Variants in CTBP2 observed in about 807,000 individuals in gnomAD.
CTBP2 encodes C-terminal-binding protein 2.
Under a neutral mutation model 80.3 loss-of-function variants are expected in CTBP2, and 30 were observed. The ratio of observed to expected loss-of-function variants is 0.37; its 90% confidence interval spans 0.28 to 0.51. The LOEUF is 0.51. Ranked by LOEUF, CTBP2 falls within the 20% of genes least tolerant of loss-of-function variation. The pLI is 0.93. For missense variants in CTBP2, 1,212 were observed against 1,375.3 expected (o/e 0.88, Z 1.88); for synonymous variants, 594 against 587.4 (o/e 1.01, Z -0.16).
At chr10:125,094,743 C>T (rs962171871) in intron 2 of CTBP2, among the ~76,000 whole-genome samples, 2 of 152,190 alleles carry the variant, frequency 1.3e-5, no homozygotes, top group Non-Finnish European at 2.9e-5. Context: ...GAAGAACCAC[C>T]AGACCCAAAA....
intron 2 of CTBP2, among the ~76,000 whole-genome samples, chr10:125,084,868 C>T (rs546657497): frequency 2.8e-4 from 43 of 152,304 alleles, no homozygotes; most frequent in Admixed American, 4.6e-4. Context: ...GTTTGGCCTT[C>T]GCCACCTGTT....
chr10:124,990,041 A>AG (rs1192724981), intron 8 of CTBP2, among the ~76,000 whole-genome samples: 2 of 145,532 alleles, frequency 1.4e-5, no homozygotes, highest in Non-Finnish European at 3.0e-5. Flanking sequence ...CCTGGCTAAT[A>AG]GTTTTTTTTT....
intron 1 of CTBP2, among the ~76,000 whole-genome samples, chr10:125,004,572 G>C (rs1954979194): frequency 6.6e-6 from 1 of 152,220 alleles, no homozygotes; most frequent in Non-Finnish European, 1.5e-5. Flanking sequence ...CTGAGTTCCA[G>C]AGGTGCAATC....
intron 1 of CTBP2, among the ~76,000 whole-genome samples, chr10:125,144,568 A>C (rs1858411154): frequency 6.6e-6 from 1 of 152,250 alleles, no homozygotes; most frequent in African/African-American, 2.4e-5. Context: ...GTTCACTCTC[A>C]GTTCTAAAAC....
In CTBP2 at chr10:125,026,590, A is replaced by AGCTGCAGGCTGGGGCTGCAGG. The variant is rs1564739713; in HGVS notation, c.1169_1170insCCTGCAGCCCCAGCCTGCAGC (p.Ala390_Pro391insLeuGlnProGlnProAlaAla). ...CTCGGGGGGATGCTGTCTGCAGAGG[A>AGCTGCAGGCTGGGGCTGCAGG]GCCGCAGCGCCCAGAGAAGCCAAGT... is the stretch of plus-strand genomic sequence containing the variant. On this transcript the variant is annotated inframe_insertion, in exon 1 of 9. Transcript: ENST00000309035. 4 of 1,561,450 alleles carry AGCTGCAGGCTGGGGCTGCAGG rather than the reference A, an allele frequency of 2.6e-6. No individual in the cohort carries two copies. Among genetic ancestry groups the AGCTGCAGGCTGGGGCTGCAGG allele is most frequent in the Non-Finnish European group, 3.5e-6 (4 of 1,153,448 alleles).
rs1403066329 is a variant in CTBP2, at chr10:125,027,462, A to G, written c.298T>C (p.Ser100Pro). The G allele has an allele frequency of 1.2e-6, 2 of 1,614,018 alleles. No individual in the cohort carries two copies. Among genetic ancestry groups the G allele is most frequent in the African/African-American group, 2.7e-5 (2 of 74,908 alleles). The stretch of plus-strand genomic sequence containing the variant: ...CGTGGCAGCAGGGGGCTGCGACCAG[A>G]CATCACTGCCTGTCTGCTGTCGTAG... The change falls in exon 1 of 9, where the codon TCT (serine) becomes CCT (proline). Residue 100 changes from serine to proline, a missense_variant. By Grantham distance (74) the Ser-to-Pro change is moderately conservative. Transcript: ENST00000309035.
upstream of CTBP2, among the ~76,000 whole-genome samples, chr10:125,032,500 T>C (rs1958353796): frequency 6.6e-6 from 1 of 152,172 alleles, no homozygotes; most frequent in African/African-American, 2.4e-5. Flanking sequence ...AGTCCAATTC[T>C]GTCACTTTGT....
intron 2 of CTBP2, among the ~76,000 whole-genome samples, chr10:125,103,916 C>T (rs901442859): frequency 6.6e-6 from 1 of 152,212 alleles, no homozygotes; most frequent in Non-Finnish European, 1.5e-5. Flanking sequence ...CCTGAGGAAA[C>T]TGATCACCCA....
rs1289374451 is a variant in CTBP2 at position 124,987,663 on chromosome 10, C to T, written c.*1855G>A. On this transcript the variant is annotated 3_prime_UTR_variant, in exon 9 of 9. Transcript: ENST00000309035. ...CTCCATGTGAGCTTGTGTTAATAGACACTTTTATGGTAGAGTTGGGATGGG... is the reference window on the plus strand; with the variant it reads ...CTCCATGTGAGCTTGTGTTAATAGATACTTTTATGGTAGAGTTGGGATGGG... 1 of 152,140 alleles carries T rather than the reference C, an allele frequency of 6.6e-6. No homozygotes were observed. Among genetic ancestry groups the T allele is most frequent in the Non-Finnish European group, 1.5e-5 (1 of 68,034 alleles). The allele number at this position is 152,140 out of a possible 1,614,324, so 9.4% of individuals were successfully genotyped here.
chr10:125,160,991 G>T (rs911683552), upstream of CTBP2: 1 of 150,718 alleles, frequency 6.6e-6, no homozygotes, highest in Non-Finnish European at 1.5e-5. Flanking sequence ...GCAGCTCCCG[G>T]TACCCGCTGG....
At chr10:125,052,553 A>T (rs1963028956) in intron 2 of CTBP2, among the ~76,000 whole-genome samples, 1 of 152,232 alleles carries the variant, frequency 6.6e-6, no homozygotes, top group Non-Finnish European at 1.5e-5. Flanking sequence ...CACCCAGAAG[A>T]TTCCATCAGC....
At chr10:125,123,838 C>A (rs1340488933) in intron 1 of CTBP2, among the ~76,000 whole-genome samples, 1 of 152,244 alleles carries the variant, frequency 6.6e-6, no homozygotes, top group African/African-American at 2.4e-5. Context: ...CCAGGTGCTG[C>A]CAGCTGCCCA....
intron 1 of CTBP2, among the ~76,000 whole-genome samples, chr10:125,137,678 A>G (rs1451222254): frequency 6.6e-6 from 1 of 152,234 alleles, no homozygotes; most frequent in Non-Finnish European, 1.5e-5. Context: ...AATAAATTGG[A>G]AAGGCTTCAT....
At chr10:125,106,622 G>A (rs755785609) in intron 2 of CTBP2, among the ~76,000 whole-genome samples, 1 of 152,212 alleles carries the variant, frequency 6.6e-6, no homozygotes. Flanking sequence ...TCCTGGCCCC[G>A]CCAAGAGTGA....
Position 125,007,389 on chromosome 10 carries a change from A to G in CTBP2, c.1679-3897T>C, listed in dbSNP as rs1955385192. On this transcript the variant is annotated intron_variant, in intron 1 of 8. Transcript: ENST00000309035. ...TATTGCTTAGAGCTGCAGCTGCAATAAATACTTGTGAAATGAGAGATGCTC... is the reference window on the plus strand; with the variant it reads ...TATTGCTTAGAGCTGCAGCTGCAATGAATACTTGTGAAATGAGAGATGCTC... Among the ~76,000 whole-genome samples, 6 of 152,358 alleles carry G rather than the reference A, an allele frequency of 3.9e-5. 1 individual carries two copies. The Middle Eastern group carries it at 0.017, about 432-fold the overall frequency.
chr10:125,033,069 C>T (rs963778537), upstream of CTBP2, among the ~76,000 whole-genome samples: 7 of 152,302 alleles, frequency 4.6e-5, no homozygotes, highest in African/African-American at 1.2e-4. Flanking sequence ...TCCCAAGTCT[C>T]GGATAAATCT....
upstream of CTBP2, chr10:125,032,973 CCTGCACA>C (rs374715750): frequency 1.1e-3 from 171 of 153,986 alleles, 1 homozygote; most frequent in Middle Eastern, 0.014. Context: ...TCCACCTGAG[CCTGCACA>C]CGGACAGTTT....
rs548350984 is a variant in CTBP2 at position 125,000,229 on chromosome 10, G to A, written c.1979-2059C>T. The A allele has an allele frequency of 3.6e-4, 50 of 137,244 alleles. No homozygotes were observed. The East Asian group carries it at 7.7e-3, about 21-fold the overall frequency. 8.5% of individuals were successfully genotyped at this position (137,244 alleles called of 1,614,324 possible). Reference sequence around the variant, plus strand: ...AGAACCTTCCCACCCAGACCGCGGCGGCGCCACTGCCAGGAACCTCCATAA... The same window carrying A: ...AGAACCTTCCCACCCAGACCGCGGCAGCGCCACTGCCAGGAACCTCCATAA... On this transcript the variant is annotated intron_variant, in intron 3 of 8. Coordinates refer to ENST00000309035, the MANE Select transcript of CTBP2 (RefSeq NM_022802.3).
At chr10:125,106,486 G>A (rs1851477441) in intron 2 of CTBP2, among the ~76,000 whole-genome samples, 1 of 152,202 alleles carries the variant, frequency 6.6e-6, no homozygotes, top group South Asian at 2.1e-4. Context: ...GCTGGCAGGT[G>A]GATCTGGGCG....
Sources: allele counts gnomAD v4.1 joint callset (sites outside exome capture counted in the v4.1 genomes callset), GRCh38; gene constraint gnomAD v4.1.1; transcripts MANE v1.5; gene names NCBI Gene and HGNC (gene_info 2026-07-23, HGNC 2026-07-21).